CDH4: variants seen among roughly 807,000 people sequenced by gnomAD.
The protein encoded by CDH4 is cadherin-4.
In CDH4, 33 loss-of-function variants were observed where a neutral mutation model predicts 86.0. The ratio of observed to expected loss-of-function variants is 0.38; its 90% CI spans 0.29 to 0.51. The LOEUF (loss-of-function observed/expected upper bound fraction) is 0.51. Ranked by LOEUF, CDH4 falls within the 20% of genes least tolerant of loss-of-function variation. CDH4 has a pLI of 0.86. For missense variants in CDH4, 1,114 were observed against 1,307.4 expected (o/e 0.85, Z 2.28); for synonymous variants, 555 against 549.4 (o/e 1.01, Z -0.14).
intron 2 of CDH4, among the ~76,000 whole-genome samples, chr20:61,664,679 A>G (rs2087303454): frequency 6.6e-6 from 1 of 152,242 alleles, no homozygotes; most frequent in East Asian, 1.9e-4. Flanking sequence ...AGCCCAGAGA[A>G]GTTCTCTCAG....
intron 2 of CDH4, among the ~76,000 whole-genome samples, chr20:61,568,958 T>TTGCTCAAGA (rs2086321566): frequency 6.6e-6 from 1 of 151,966 alleles, no homozygotes; most frequent in African/African-American, 2.4e-5. Context: ...CAGTAGGTCC[T>TTGCTCAAGA]CGCTCAAGAC....
rs537058736 is a variant in CDH4, at chr20:61,525,201, C to A, written c.170-218362C>A. On this transcript the variant is annotated intron_variant, in intron 2 of 15. Coordinates refer to ENST00000614565, the MANE Select transcript of CDH4 (RefSeq NM_001794.5). Reference sequence around the variant, plus strand: ...TATAATTTAGCTCAGCTGGAAGGTTCTGGTGACTGGAGACCAGGCTGGAAG... The same window carrying A: ...TATAATTTAGCTCAGCTGGAAGGTTATGGTGACTGGAGACCAGGCTGGAAG... Among the ~76,000 whole-genome samples the A allele has an allele frequency of 1.6e-4, 25 of 152,280 alleles. No homozygotes were observed. In the South Asian group the frequency reaches 5.0e-3, roughly 30 times the overall value.
At chr20:61,485,781 G>A (rs1457091538) in intron 2 of CDH4, among the ~76,000 whole-genome samples, 1 of 152,226 alleles carries the variant, frequency 6.6e-6, no homozygotes, top group African/African-American at 2.4e-5. Context: ...GCCCAGGCAC[G>A]GGCCCTGTTT....
chr20:61,252,616 C>CG lies in CDH4; in HGVS notation c.57+49dup. The CG allele has an allele frequency of 8.7e-7, 1 of 1,145,096 alleles. No individual in the cohort carries two copies. Among genetic ancestry groups the CG allele is most frequent in the Non-Finnish European group, 1.1e-6 (1 of 917,986 alleles). The allele number at this position is 1,145,096 out of a possible 1,614,324, so 70.9% of individuals were successfully genotyped here. Reference sequence around the variant, plus strand: ...CCCGCCGTTCGGAAGCCCCGGGCAGCGGGAGGTCGTCCCCGGATCCCGCGG... The same window carrying CG: ...CCCGCCGTTCGGAAGCCCCGGGCAGCGGGGAGGTCGTCCCCGGATCCCGCGG... On this transcript the variant is annotated intron_variant, in intron 1 of 15. Transcript: ENST00000614565. This position sits in a 1 kb window ranked among gnomAD's most constrained non-coding sequence, Gnocchi z 4.4.
At chr20:61,613,886 T>TC (rs952737629) in intron 2 of CDH4, among the ~76,000 whole-genome samples, 3 of 152,086 alleles carry the variant, frequency 2.0e-5, no homozygotes, top group African/African-American at 7.3e-5. Context: ...CTCGTTTGTT[T>TC]CCCCACAGTG....
chr20:61,615,589 C>T (rs899677038), intron 2 of CDH4, among the ~76,000 whole-genome samples: 4 of 152,140 alleles, frequency 2.6e-5, no homozygotes, highest in African/African-American at 9.7e-5. Flanking sequence ...AACTTCCTGC[C>T]TGTGACTCTG....
At chr20:61,513,513 C>G (rs2085795595) in intron 2 of CDH4, among the ~76,000 whole-genome samples, 1 of 152,210 alleles carries the variant, frequency 6.6e-6, no homozygotes, top group Non-Finnish European at 1.5e-5. Context: ...ACAGAAGGCA[C>G]CAGGCCGCCA....
Position 61,922,306 on chromosome 20 carries a change from T to C in CDH4, c.1375-1145T>C, listed in dbSNP as rs574085399. 2.0e-5 allele frequency among the ~76,000 whole-genome samples: 3 copies of C among 152,324 alleles called. No homozygotes were observed. The East Asian group carries it at 5.8e-4, about 29-fold the overall frequency. ...GTCTCAGGGCCCCAAGCTTTTTCCA[T>C]GTAACTTCCCTCCCTCCCCAAAATG... On this transcript the variant is annotated intron_variant, in intron 9 of 15. Transcript: ENST00000614565.
chr20:61,519,738 G>A lies in CDH4; in HGVS notation c.170-223825G>A, dbSNP rs191942281. Among the ~76,000 whole-genome samples, 688 of 152,360 alleles carry A rather than the reference G, an allele frequency of 4.5e-3. 1 individual carries two copies. Among genetic ancestry groups the A allele is most frequent in the Middle Eastern group, 0.014 (4 of 294 alleles). ...AATCGAATGCCACTAGTTCCTGGGC[G>A]CAGGACGCCAGTGTGTCTTCACAGG... On this transcript the variant is annotated intron_variant, in intron 2 of 15. Coordinates refer to ENST00000614565, the MANE Select transcript of CDH4 (RefSeq NM_001794.5).
chr20:61,827,229 C>A (rs539194741), intron 4 of CDH4, among the ~76,000 whole-genome samples: 10 of 152,110 alleles, frequency 6.6e-5, no homozygotes, highest in Non-Finnish European at 1.5e-4. Context: ...ACGCGTCCGT[C>A]TATCAAGTTG....
intron 4 of CDH4, among the ~76,000 whole-genome samples, chr20:61,794,529 T>C (rs6061823): frequency 0.76 from 114,952 of 152,210 alleles, 43,787 homozygotes; most frequent in African/African-American, 0.87. Context: ...GGTGGCTCAG[T>C]GGGAAGAGAA....
In CDH4 at chr20:61,939,072, G is replaced by A. The variant is rs138512282; in HGVS notation, c.*2129G>A. ...TGCTCCTGTGTGGGGGGGCATGGCC[G>A]TTGGAGGTATAGCTGGGCGGGTAGT... On this transcript the variant is annotated 3_prime_UTR_variant, in exon 16 of 16. Transcript: ENST00000614565. The A allele has an allele frequency of 6.2e-3, 944 of 152,606 alleles. 9 individuals are homozygous for A. The highest frequency in any genetic ancestry group is 0.02 in the Middle Eastern group (6 of 296). The allele number at this position is 152,606 out of a possible 1,614,324, so 9.5% of individuals were successfully genotyped here.
At chr20:61,430,231 A>C (rs1196031858) in intron 2 of CDH4, among the ~76,000 whole-genome samples, 1 of 152,224 alleles carries the variant, frequency 6.6e-6, no homozygotes, top group African/African-American at 2.4e-5. Flanking sequence ...GACTAAGCAG[A>C]GATAATGAAA....
rs139881905 is a variant in CDH4 at position 61,934,204 on chromosome 20, G to T, written c.2528G>T (p.Gly843Val). Reference protein sequence around the residue: ...RPMVPHPGDIGDFINEGLRAA... With the variant: ...RPMVPHPGDIVDFINEGLRAA... ...ATGGTGCCGCACCCAGGCGACATCG[G>T]TGACTTCATCAATGAGGTGTGTGCC... is the stretch of plus-strand genomic sequence containing the variant. The change falls in exon 15 of 16, where the codon GGT becomes GTT. Residue 843 changes from glycine to valine, a missense_variant. Coordinates refer to ENST00000614565, the MANE Select transcript of CDH4 (RefSeq NM_001794.5). 31 of 1,568,424 alleles carry T rather than the reference G, an allele frequency of 2.0e-5. No individual in the cohort carries two copies. The African/African-American group carries it at 3.9e-4, about 20-fold the overall frequency.
Position 61,480,906 on chromosome 20 carries a change from C to T in CDH4, c.169+225969C>T, listed in dbSNP as rs1404000476. On this transcript the variant is annotated intron_variant, in intron 2 of 15. Coordinates refer to ENST00000614565, the MANE Select transcript of CDH4 (RefSeq NM_001794.5). This position sits in a 1 kb window ranked among gnomAD's most constrained non-coding sequence, Gnocchi z 5.2. ...TGCATTGCCCTCACATGGATTTGTGCGACCAAGATTATACAACTCGGATGC... is the reference window on the plus strand; with the variant it reads ...TGCATTGCCCTCACATGGATTTGTGTGACCAAGATTATACAACTCGGATGC... Among the ~76,000 whole-genome samples the T allele has an allele frequency of 5.3e-5, 8 of 152,204 alleles. No homozygotes were observed. Among genetic ancestry groups the T allele is most frequent in the East Asian group, 1.9e-4 (1 of 5,190 alleles).
At chr20:61,654,467 T>A (rs1011862705) in intron 2 of CDH4, among the ~76,000 whole-genome samples, 1 of 152,170 alleles carries the variant, frequency 6.6e-6, no homozygotes, top group African/African-American at 2.4e-5. Flanking sequence ...AAATCAAGAC[T>A]TTTTAAGAAA....
intron 2 of CDH4, among the ~76,000 whole-genome samples, chr20:61,563,087 C>G (rs1478883316): frequency 2.0e-5 from 3 of 152,242 alleles, no homozygotes; most frequent in Admixed American, 2.0e-4. Context: ...GGAGCCCAGG[C>G]TCAGCACTGC....
rs2087292318 is a variant in CDH4 at position 61,663,923 on chromosome 20, AGT to A, written c.170-79638_170-79637del. Among the ~76,000 whole-genome samples the A allele has an allele frequency of 2.6e-5, 4 of 152,038 alleles. No homozygotes were observed. The South Asian group carries it at 6.2e-4, about 24-fold the overall frequency. ...AGCATCTGTGCCCGCGGCAGTTTAG[AGT>A]GACACTGTCCTCTGTCCAGCACCGG... On this transcript the variant is annotated intron_variant, in intron 2 of 15. Transcript: ENST00000614565. This position sits in a 1 kb window ranked among gnomAD's most constrained non-coding sequence, Gnocchi z 5.0.
chr20:61,860,104 C>T (rs1469927406), intron 6 of CDH4, among the ~76,000 whole-genome samples: 4 of 152,254 alleles, frequency 2.6e-5, no homozygotes, highest in Non-Finnish European at 4.4e-5. Flanking sequence ...GTGACGCTGT[C>T]ATTGACAGTG....
Sources: allele counts gnomAD v4.1 joint callset (sites outside exome capture counted in the v4.1 genomes callset), GRCh38; gene constraint gnomAD v4.1.1; non-coding constraint Gnocchi (gnomAD v3.1); transcripts MANE v1.5; gene names NCBI Gene and HGNC (gene_info 2026-07-23, HGNC 2026-07-21).